Variants in CCDC171 observed in about 807,000 individuals in gnomAD.
CCDC171 encodes the protein coiled-coil domain containing 171.
CCDC171 carries 177 observed loss-of-function variants against 168.2 expected under a neutral mutation model. The ratio of observed to expected loss-of-function variants is 1.05; its 90% confidence interval spans 0.93 to 1.19. The LOEUF (loss-of-function observed/expected upper bound fraction) is 1.19. CCDC171 is among the 50% of genes most tolerant of loss of function. The probability of loss-of-function intolerance (pLI) is 0.00; values close to 1 mark genes in which losing one functional copy is unlikely to be tolerated. For synonymous variants in CCDC171, 687 were observed against 540.8 expected (o/e 1.27, Z -3.75); for missense variants, 1,991 against 1,539.0 (o/e 1.29, Z -4.91).
intron 6 of CCDC171, among the ~76,000 whole-genome samples, chr9:15,622,904 A>G (rs986321883): frequency 6.6e-6 from 1 of 152,222 alleles, no homozygotes; most frequent in Admixed American, 6.5e-5. Context: ...TATTATAAAA[A>G]GGGCAATATA....
intron 6 of CCDC171, among the ~76,000 whole-genome samples, chr9:15,602,066 A>G (rs1326293314): frequency 6.6e-6 from 1 of 152,218 alleles, no homozygotes; most frequent in Non-Finnish European, 1.5e-5. Flanking sequence ...TACTACGAAC[A>G]GTAACTTGCT....
At chr9:15,991,569 T>C (rs1049645522) in intron 3 of CCDC171, among the ~76,000 whole-genome samples, 33 of 151,876 alleles carry the variant, frequency 2.2e-4, no homozygotes, top group African/African-American at 7.5e-4. Flanking sequence ...AGGCAAGAAA[T>C]AACTAAGATC....
intron 11 of CCDC171, among the ~76,000 whole-genome samples, chr9:15,704,229 A>C (rs2052030737): frequency 6.6e-6 from 1 of 152,208 alleles, no homozygotes. Context: ...ATTTGTAACA[A>C]AATTAATTCA....
At chr9:16,102,021 T>C in the CCDC171 span, among the ~76,000 whole-genome samples, 1 of 152,252 alleles carries the variant, frequency 6.6e-6, no homozygotes, top group Admixed American at 6.5e-5. Flanking sequence ...TGTGGTAATG[T>C]GTTCTGCAGC....
intron 4 of CCDC171, among the ~76,000 whole-genome samples, chr9:15,586,867 G>C (rs935650197): frequency 6.6e-6 from 1 of 152,088 alleles, no homozygotes; most frequent in Non-Finnish European, 1.5e-5. Flanking sequence ...GAGGGCAGTG[G>C]TGTGGTCATA....
chr9:15,562,448 C>T (rs554572409), intron 1 of CCDC171, among the ~76,000 whole-genome samples: 1 of 152,262 alleles, frequency 6.6e-6, no homozygotes, highest in East Asian at 1.9e-4. Flanking sequence ...AAACTTGCTT[C>T]TGAGCTATGG....
intron 25 of CCDC171, among the ~76,000 whole-genome samples, chr9:15,924,191 T>C (rs1387270760): frequency 2.0e-5 from 3 of 151,536 alleles, no homozygotes; most frequent in African/African-American, 7.3e-5. Flanking sequence ...TGGCCACACA[T>C]AGCTGAAATA....
chr9:15,855,128 A>G (rs1316448329), intron 23 of CCDC171, among the ~76,000 whole-genome samples: 1 of 151,576 alleles, frequency 6.6e-6, no homozygotes, highest in East Asian at 1.9e-4. Context: ...TAAATCCTTG[A>G]TTGTCTTTTG....
chr9:16,055,025 G>A (rs942492305), intron 1 of CCDC171, among the ~76,000 whole-genome samples: 12 of 152,330 alleles, frequency 7.9e-5, no homozygotes, highest in African/African-American at 2.9e-4. Flanking sequence ...AGGTGAGAGG[G>A]GGCAGTGGCT....
intron 23 of CCDC171, among the ~76,000 whole-genome samples, chr9:15,873,156 A>G (rs1817400859): frequency 6.6e-6 from 1 of 152,074 alleles, no homozygotes; most frequent in South Asian, 2.1e-4. Flanking sequence ...ATGCCCATAG[A>G]TTAGCGTGAA....
chr9:15,795,993 A>T (rs899651126), intron 21 of CCDC171, among the ~76,000 whole-genome samples: 3 of 152,232 alleles, frequency 2.0e-5, no homozygotes, highest in Non-Finnish European at 2.9e-5. Context: ...AGACTTTTAT[A>T]AAAAAATTCA....
chr9:15,570,657 T>C (rs984270070), intron 2 of CCDC171, among the ~76,000 whole-genome samples: 12 of 152,198 alleles, frequency 7.9e-5, no homozygotes, highest in Non-Finnish European at 1.6e-4. Flanking sequence ...CATCAGTATC[T>C]TTAGGTATTT....
chr9:15,619,019 G>A (rs1306310267), intron 6 of CCDC171, among the ~76,000 whole-genome samples: 1 of 152,028 alleles, frequency 6.6e-6, no homozygotes, highest in Non-Finnish European at 1.5e-5. Context: ...TTGTTTTGGG[G>A]CACCATGAAC....
intron 9 of CCDC171, 25 bp downstream of exon 9, chr9:15,666,348 C>A: frequency 6.6e-7 from 1 of 1,514,842 alleles, no homozygotes. Flanking sequence ...GTAAAATTCT[C>A]TAAATTAACA....
intron 7 of CCDC171, among the ~76,000 whole-genome samples, chr9:15,645,288 A>G (rs1474610594): frequency 6.6e-6 from 1 of 152,184 alleles, no homozygotes; most frequent in Non-Finnish European, 1.5e-5. Flanking sequence ...AAGATGGGGA[A>G]AAAACAGAGC....
At chr9:15,687,474 A>G (rs2050480436) in intron 10 of CCDC171, among the ~76,000 whole-genome samples, 1 of 152,156 alleles carries the variant, frequency 6.6e-6, no homozygotes, top group African/African-American at 2.4e-5. Context: ...TCACGGTAAG[A>G]AAAGAGAAAA....
At chr9:16,025,239 CA>C (rs1833254628) in intron 6 of CCDC171, among the ~76,000 whole-genome samples, 1 of 152,108 alleles carries the variant, frequency 6.6e-6, no homozygotes, top group Non-Finnish European at 1.5e-5. Flanking sequence ...GTCAGGAGTT[CA>C]AAACCAGCCT....
At chr9:15,719,416 A>AAG (rs145961792) in intron 11 of CCDC171, among the ~76,000 whole-genome samples, 24 of 7,466 alleles carry the variant, frequency 3.2e-3, no homozygotes, top group Admixed American at 6.6e-3. Context: ...GGGCGGGGGA[A>AAG]AGAGAGAGAG....
At chr9:15,915,829 T>G (rs549389426) in intron 24 of CCDC171, among the ~76,000 whole-genome samples, 1 of 152,220 alleles carries the variant, frequency 6.6e-6, no homozygotes, top group South Asian at 2.1e-4. Flanking sequence ...GATGGTATAC[T>G]GAATTTTACC....
Sources: gnomAD v4.1 joint callset for allele counts (sites outside exome capture counted in the v4.1 genomes callset) on GRCh38, gnomAD v4.1.1 for gene constraint, MANE v1.5 for transcripts, NCBI Gene and HGNC (gene_info 2026-07-23, HGNC 2026-07-21) for gene names.